The following PRR5L variants were observed in gnomAD, a reference collection of about 807,000 sequenced individuals.
PRR5L encodes the protein proline-rich protein 5-like.
In PRR5L, 21 loss-of-function variants were observed where a neutral mutation model predicts 36.4. The ratio of observed to expected loss-of-function variants is 0.58; its 90% CI spans 0.41 to 0.83. PRR5L has a LOEUF of 0.83. Ranked by LOEUF, PRR5L falls within the 40% of genes least tolerant of loss-of-function variation. PRR5L has a pLI of 0.00. For synonymous variants in PRR5L, 188 were observed against 197.0 expected (o/e 0.95, Z 0.38); for missense variants, 381 against 473.3 (o/e 0.80, Z 1.81).
intron 3 of PRR5L, among the ~76,000 whole-genome samples, chr11:36,405,677 CG>C (rs1314862016): frequency 2.6e-5 from 4 of 152,170 alleles, no homozygotes; most frequent in African/African-American, 9.7e-5. Flanking sequence ...AGTAGTCTAC[CG>C]GGGCTGCCAT....
chr11:36,334,260 T>C (rs553477750), intron 1 of PRR5L, among the ~76,000 whole-genome samples: 1 of 152,308 alleles, frequency 6.6e-6, no homozygotes, highest in East Asian at 1.9e-4. Flanking sequence ...GAAAAATGGA[T>C]ACTGAGGGAC....
At chr11:36,457,058 T>G (rs1349074666) in intron 8 of PRR5L, among the ~76,000 whole-genome samples, 2 of 152,182 alleles carry the variant, frequency 1.3e-5, no homozygotes, top group Non-Finnish European at 1.5e-5. Flanking sequence ...CCTCCAAGGA[T>G]CACTGGAGAC....
chr11:36,328,161 C>G (rs1323114672), intron 1 of PRR5L, among the ~76,000 whole-genome samples: 1 of 152,046 alleles, frequency 6.6e-6, no homozygotes. Context: ...AATTTGGGGT[C>G]TTATACTATC....
chr11:36,432,769 T>C (rs1858528295), intron 5 of PRR5L, among the ~76,000 whole-genome samples: 1 of 152,156 alleles, frequency 6.6e-6, no homozygotes, highest in Non-Finnish European at 1.5e-5. Context: ...CAAACTTACT[T>C]CCAGATCCAG....
chr11:36,352,773 T>C (rs1283932620), intron 1 of PRR5L, among the ~76,000 whole-genome samples: 7 of 152,156 alleles, frequency 4.6e-5, no homozygotes, highest in Non-Finnish European at 5.9e-5. Context: ...ACCAGTTTTA[T>C]GAAGAACAAA....
chr11:36,397,873 G>A (rs1044665235), intron 1 of PRR5L, among the ~76,000 whole-genome samples: 22 of 151,442 alleles, frequency 1.5e-4, no homozygotes, highest in African/African-American at 4.6e-4. Flanking sequence ...TCGGATCACC[G>A]CAACCTCTGC....
chr11:36,342,878 A>C (rs561293239), intron 1 of PRR5L, among the ~76,000 whole-genome samples: 2 of 152,222 alleles, frequency 1.3e-5, no homozygotes, highest in African/African-American at 4.8e-5. Flanking sequence ...TCTCCTTAAA[A>C]CCTGCAGGCA....
chr11:36,455,271 G>C (rs1351215749), intron 8 of PRR5L: 1 of 152,666 alleles, frequency 6.6e-6, no homozygotes, highest in Non-Finnish European at 1.5e-5. Flanking sequence ...GCTCCGGTGG[G>C]GCCTGGCCAG....
chr11:36,359,898 A>G (rs560621226), intron 1 of PRR5L, among the ~76,000 whole-genome samples: 61 of 152,192 alleles, frequency 4.0e-4, no homozygotes, highest in African/African-American at 1.3e-3. Flanking sequence ...TCAGCTGGAC[A>G]TGGTGATGCG....
intron 1 of PRR5L, among the ~76,000 whole-genome samples, chr11:36,340,381 C>A (rs1037600503): frequency 6.6e-6 from 1 of 152,146 alleles, no homozygotes; most frequent in African/African-American, 2.4e-5. Context: ...TGACTTGGGC[C>A]CTTATAGCCA....
intron 1 of PRR5L, among the ~76,000 whole-genome samples, chr11:36,340,467 A>T (rs1249572021): frequency 6.6e-6 from 1 of 152,222 alleles, no homozygotes; most frequent in Non-Finnish European, 1.5e-5. Flanking sequence ...ATATAACACT[A>T]TGTGTCAGAC....
At chr11:36,300,157 A>G (rs1024207618) in intron 1 of PRR5L, among the ~76,000 whole-genome samples, 17 of 152,308 alleles carry the variant, frequency 1.1e-4, no homozygotes, top group Non-Finnish European at 2.4e-4. Flanking sequence ...GCTGTAAAGG[A>G]ATACCTGAGA....
intron 1 of PRR5L, among the ~76,000 whole-genome samples, chr11:36,392,170 G>A (rs1416194156): frequency 1.3e-5 from 2 of 152,138 alleles, no homozygotes; most frequent in Non-Finnish European, 2.9e-5. Flanking sequence ...TGGATGAAGA[G>A]TACTCCATTA....
intron 8 of PRR5L, among the ~76,000 whole-genome samples, chr11:36,453,077 C>T (rs1858976000): frequency 6.6e-6 from 1 of 152,158 alleles, no homozygotes; most frequent in Non-Finnish European, 1.5e-5. Flanking sequence ...CAGATAAGGG[C>T]TGGTTAGTGA....
At chr11:36,350,987 TTTATATATTTATATATATTTATATAG>T in intron 1 of PRR5L, among the ~76,000 whole-genome samples, 1 of 85,006 alleles carries the variant, frequency 1.2e-5, no homozygotes, top group African/African-American at 5.1e-5. Flanking sequence ...TATTTATATA[TTTATATATTTATATATATTTATATAG>T]TTATATATTT....
intron 1 of PRR5L, among the ~76,000 whole-genome samples, chr11:36,369,313 T>C (rs1458990506): frequency 1.3e-5 from 2 of 152,192 alleles, no homozygotes; most frequent in Non-Finnish European, 2.9e-5. Flanking sequence ...AGGATGAAGC[T>C]GGGAGACCAG....
chr11:36,300,336 C>A (rs1213562024), intron 1 of PRR5L, among the ~76,000 whole-genome samples: 1 of 151,952 alleles, frequency 6.6e-6, no homozygotes, highest in Non-Finnish European at 1.5e-5. Context: ...AAGAGAGTGC[C>A]AGGCTCTTTT....
chr11:36,329,985 C>A (rs1299096533), intron 1 of PRR5L, among the ~76,000 whole-genome samples: 3 of 152,204 alleles, frequency 2.0e-5, no homozygotes, highest in Non-Finnish European at 4.4e-5. Flanking sequence ...ATATCTGATT[C>A]AAGGCACATC....
chr11:36,350,713 C>T (rs1856921047), intron 1 of PRR5L, among the ~76,000 whole-genome samples: 1 of 150,866 alleles, frequency 6.6e-6, no homozygotes, highest in African/African-American at 2.4e-5. Context: ...CCCCCGAGTC[C>T]CCAAGTCCAC....
Sources: gnomAD v4.1 joint callset for allele counts (sites outside exome capture counted in the v4.1 genomes callset) on GRCh38, gnomAD v4.1.1 for gene constraint, MANE v1.5 for transcripts, NCBI Gene and HGNC (gene_info 2026-07-23, HGNC 2026-07-21) for gene names.